Variants in MAP3K2 observed in about 807,000 individuals in gnomAD.
MAP3K2 encodes the protein MAP/ERK kinase kinase 2.
A neutral mutation model predicts 80.3 loss-of-function variants in MAP3K2; 24 were observed. The observed-to-expected ratio is 0.30, with a 90% CI of 0.22 to 0.42. The LOEUF (loss-of-function observed/expected upper bound fraction) is 0.42. MAP3K2 is among the 10% of genes least tolerant of loss of function. MAP3K2 has a pLI of 1.00. For missense variants in MAP3K2, 608 were observed against 750.1 expected, an observed-to-expected ratio of 0.81 and a Z score of 2.21; for synonymous variants, 244 against 253.7, an observed-to-expected ratio of 0.96 and a Z score of 0.36.
intron 1 of MAP3K2, among the ~76,000 whole-genome samples, chr2:127,379,800 G>A (rs923097386): frequency 1.3e-5 from 2 of 152,220 alleles, no homozygotes; most frequent in Non-Finnish European, 2.9e-5. Flanking sequence ...CAGGCTGCCT[G>A]AGTTCAAGTC....
At chr2:127,374,713 C>T (rs1687120582) in intron 1 of MAP3K2, among the ~76,000 whole-genome samples, 11 of 152,154 alleles carry the variant, frequency 7.2e-5, no homozygotes, top group Admixed American at 5.9e-4. Context: ...AGAGTCCACC[C>T]GATATGTCAT....
At chr2:127,319,135 T>C (rs1573981151) in intron 12 of MAP3K2, among the ~76,000 whole-genome samples, 1 of 150,276 alleles carries the variant, frequency 6.7e-6, no homozygotes, top group East Asian at 2.0e-4. Flanking sequence ...CAAACCCTTT[T>C]CCCCTAAGAA....
In MAP3K2 at chr2:127,339,108, A is replaced by T; in HGVS notation, c.5-58T>A. 1 of 978,908 alleles carries T rather than the reference A, an allele frequency of 1.0e-6. No homozygotes were observed. The highest frequency in any genetic ancestry group is 1.6e-6 in the Non-Finnish European group (1 of 644,772). The allele number at this position is 978,908 out of a possible 1,614,324, so 60.6% of individuals were successfully genotyped here. On this transcript the variant is annotated intron_variant, in intron 2 of 16. Coordinates refer to ENST00000682094, the MANE Select transcript of MAP3K2 (RefSeq NM_001371910.2). This position sits in a 1 kb window ranked among gnomAD's most constrained non-coding sequence, Gnocchi z 4.2. The stretch of plus-strand genomic sequence containing the variant: ...TTGTAATTGTGACATATATATCAAC[A>T]TGTATAGACATCAAACACAAAATTT...
intron 1 of MAP3K2, among the ~76,000 whole-genome samples, chr2:127,351,971 G>A (rs552480312): frequency 6.6e-6 from 1 of 151,846 alleles, no homozygotes; most frequent in South Asian, 2.1e-4. Flanking sequence ...TGACCTCTTG[G>A]GCTCAAGTGA....
At chr2:127,372,255 C>T (rs541985817) in intron 1 of MAP3K2, among the ~76,000 whole-genome samples, 7 of 152,236 alleles carry the variant, frequency 4.6e-5, no homozygotes, top group East Asian at 1.9e-4. Flanking sequence ...TTTCTTCCCC[C>T]GGGATCAAAG....
In MAP3K2 at chr2:127,350,082, A is replaced by T. The variant is rs569946975; in HGVS notation, c.-65-6888T>A. Among the ~76,000 whole-genome samples the T allele has an allele frequency of 2.5e-4, 38 of 152,118 alleles. No individual in the cohort carries two copies. The South Asian group carries it at 7.9e-3, about 32-fold the overall frequency. On this transcript the variant is annotated intron_variant, in intron 1 of 16. Transcript: ENST00000682094. ...CTGATGTCTGCAAGTACCAATCCCCACTGTACGGCTGAGGAATCAGAATAT... is the reference window on the plus strand; with the variant it reads ...CTGATGTCTGCAAGTACCAATCCCCTCTGTACGGCTGAGGAATCAGAATAT...
At position 127,330,254 on chromosome 2, in the gene MAP3K2, GTAAT is replaced by G. The variant is rs1686226899; in HGVS notation, c.378+134_378+137del. ...TGAGGAGTAAGGATATTAAAGTATAGTAATTAAAGGATGTAAGTTTACATTTAAT... is the reference window on the plus strand; with the variant it reads ...TGAGGAGTAAGGATATTAAAGTATAGTAAAGGATGTAAGTTTACATTTAAT... On this transcript the variant is annotated intron_variant, in intron 6 of 16. Transcript: ENST00000682094. 2.1e-5 allele frequency: 12 copies of G among 583,050 alleles called. No homozygotes were observed. In the South Asian group the frequency reaches 2.5e-4, roughly 12 times the overall value. 36.1% of individuals were successfully genotyped at this position (583,050 alleles called of 1,614,324 possible). A position where few individuals can be genotyped will look rare whatever the true frequency, so the allele number is the denominator to read the frequency against.
chr2:127,381,592 A>C (rs1300370359), intron 1 of MAP3K2, among the ~76,000 whole-genome samples: 1 of 152,260 alleles, frequency 6.6e-6, no homozygotes, highest in East Asian at 1.9e-4. Context: ...GATCAGCAAA[A>C]GATACCACAA....
At chr2:127,324,813 AGAG>A (rs1686098116) in intron 9 of MAP3K2, among the ~76,000 whole-genome samples, 1 of 152,220 alleles carries the variant, frequency 6.6e-6, no homozygotes, top group Non-Finnish European at 1.5e-5. Context: ...GCAATTCCAG[AGAG>A]GATTACCAAG....
chr2:127,334,436 A>T lies in MAP3K2; in HGVS notation c.264+1434T>A, dbSNP rs191584681. On this transcript the variant is annotated intron_variant, in intron 5 of 16. Coordinates refer to ENST00000682094, the MANE Select transcript of MAP3K2 (RefSeq NM_001371910.2). Reference sequence around the variant, plus strand: ...TAATTCAAGTTCAAGACATTTTTTAAAAATTTATTCTTTTTTGTTCAGACA... The same window carrying T: ...TAATTCAAGTTCAAGACATTTTTTATAAATTTATTCTTTTTTGTTCAGACA... 2.3e-3 allele frequency among the ~76,000 whole-genome samples: 354 copies of T among 152,282 alleles called. 1 individual carries two copies. The highest frequency in any genetic ancestry group is 7.7e-3 in the African/African-American group (321 of 41,562).
intron 1 of MAP3K2, among the ~76,000 whole-genome samples, chr2:127,362,054 A>C (rs891581714): frequency 6.8e-6 from 1 of 148,070 alleles, no homozygotes; most frequent in East Asian, 1.9e-4. Flanking sequence ...TCTCCTTTTT[A>C]AGGTATTACT....
upstream of MAP3K2, chr2:127,388,146 G>T (rs1278235430): frequency 3.0e-6 from 3 of 985,062 alleles, no homozygotes; most frequent in South Asian, 9.4e-5. Context: ...CCGGCCGGAC[G>T]GCGCGGGGAT....
chr2:127,347,613 A>G (rs1407878518), intron 1 of MAP3K2, among the ~76,000 whole-genome samples: 1 of 152,162 alleles, frequency 6.6e-6, no homozygotes, highest in Non-Finnish European at 1.5e-5. Flanking sequence ...ACAGAAAGAC[A>G]TCCCATATTC....
At chr2:127,345,290 A>T (rs1686577963) in intron 1 of MAP3K2, among the ~76,000 whole-genome samples, 2 of 152,252 alleles carry the variant, frequency 1.3e-5, no homozygotes, top group African/African-American at 2.4e-5. Flanking sequence ...GACAAACAGC[A>T]TTTTATAATG....
intron 1 of MAP3K2, among the ~76,000 whole-genome samples, chr2:127,370,160 G>C (rs1056778402): frequency 6.6e-6 from 1 of 152,264 alleles, no homozygotes; most frequent in African/African-American, 2.4e-5. Context: ...CCACAAGTGT[G>C]TTGACTCAAG....
chr2:127,386,609 A>C (rs146974993), intron 1 of MAP3K2, among the ~76,000 whole-genome samples: 1 of 152,228 alleles, frequency 6.6e-6, no homozygotes, highest in Admixed American at 6.5e-5. Flanking sequence ...TTGTGAGAGA[A>C]TAATTTTTTT....
chr2:127,356,187 T>C (rs1348482337), intron 1 of MAP3K2, among the ~76,000 whole-genome samples: 1 of 152,126 alleles, frequency 6.6e-6, no homozygotes, highest in Non-Finnish European at 1.5e-5. Context: ...TTAATGTTTA[T>C]TTTTTTACCT....
chr2:127,317,987 A>AC (rs1348019728), intron 13 of MAP3K2, among the ~76,000 whole-genome samples, 182 bp downstream of exon 13: 1 of 151,926 alleles, frequency 6.6e-6, no homozygotes, highest in Non-Finnish European at 1.5e-5. Context: ...AAAAATCCAT[A>AC]TTAAAAAATA....
intron 1 of MAP3K2, 54 bp downstream of exon 1, chr2:127,387,398 G>GCGCA: frequency 4.5e-5 from 9 of 198,132 alleles, no homozygotes; most frequent in African/African-American, 2.5e-4. Context: ...ACACACGCGC[G>GCGCA]CACACACACA....
Sources: allele counts gnomAD v4.1 joint callset (sites outside exome capture counted in the v4.1 genomes callset), GRCh38; gene constraint gnomAD v4.1.1; non-coding constraint Gnocchi (gnomAD v3.1); transcripts MANE v1.5; gene names NCBI Gene and HGNC (gene_info 2026-07-23, HGNC 2026-07-21).